The following ZNF469 variants were observed in gnomAD, a reference collection of about 807,000 sequenced individuals.
The protein encoded by ZNF469 is zinc finger protein 469.
ZNF469 carries 1 observed loss-of-function variant against 1.0 expected under a neutral mutation model. The observed-to-expected ratio is 1.00, with a 90% confidence interval of 0.35 to 4.73. ZNF469 has a LOEUF of 4.73. Ranked by LOEUF, ZNF469 falls within the 30% of genes most tolerant of loss-of-function variation. The pLI, the probability that ZNF469 is intolerant of heterozygous loss-of-function variation, is 0.16. For synonymous variants in ZNF469, 2,703 were observed against 2,363.4 expected, an observed-to-expected ratio of 1.14 and a Z score of -4.17; for missense variants, 6,100 against 5,356.3, an observed-to-expected ratio of 1.14 and a Z score of -4.33.
chr16:88,321,827 C>T, the ZNF469 span, among the ~76,000 whole-genome samples: 3 of 152,360 alleles, frequency 2.0e-5, no homozygotes, highest in Non-Finnish European at 1.5e-5. Context: ...CACCGCCATC[C>T]GGAGCATGAT....
chr16:88,398,971 C>T (rs985612192), intron 1 of ZNF469, among the ~76,000 whole-genome samples: 13 of 152,356 alleles, frequency 8.5e-5, no homozygotes, highest in African/African-American at 2.9e-4. Context: ...CTATTTTTAA[C>T]CTCATTTAAC....
chr16:88,381,479 C>T (rs2092525223), upstream of ZNF469, among the ~76,000 whole-genome samples: 1 of 152,156 alleles, frequency 6.6e-6, no homozygotes, highest in Admixed American at 6.5e-5. Context: ...AAGAACAGAC[C>T]CAGTAGAAAC....
At chr16:88,296,418 TCA>T in the ZNF469 span, among the ~76,000 whole-genome samples, 1 of 151,306 alleles carries the variant, frequency 6.6e-6, no homozygotes, top group Non-Finnish European at 1.5e-5. Context: ...ACACCCATGC[TCA>T]CACACATACA....
chr16:88,282,548 C>G, the ZNF469 span, among the ~76,000 whole-genome samples: 1 of 152,214 alleles, frequency 6.6e-6, no homozygotes, highest in African/African-American at 2.4e-5. Flanking sequence ...TGGTGACCAT[C>G]TGGAGCCAAC....
the ZNF469 span, among the ~76,000 whole-genome samples, chr16:88,224,105 G>A: frequency 2.0e-5 from 3 of 152,194 alleles, no homozygotes; most frequent in South Asian, 2.1e-4. Context: ...TTGTTTTCTC[G>A]GGGCAGGGGT....
At position 88,432,050 on chromosome 16, in the gene ZNF469, C is replaced by T. The variant is rs183617173; in HGVS notation, c.4580C>T (p.Thr1527Met). The T allele has an allele frequency of 9.0e-6, 14 of 1,550,554 alleles. No individual in the cohort carries two copies. The highest frequency in any genetic ancestry group is 1.7e-4 in the Middle Eastern group (1 of 5,992). Residue 1527 changes from threonine (T) to methionine (M), a missense_variant, in exon 3 of 3, where the codon ACG becomes ATG. By Grantham distance (81) the Thr-to-Met change is moderately conservative (BLOSUM62 -1). Transcript: ENST00000565624. Reference protein sequence around the residue: ...DLSGGKVLSKTCPPERTVVPG... With the variant: ...DLSGGKVLSKMCPPERTVVPG... ...TCGGGGGGAAAGGTGCTCAGTAAGA[C>T]GTGTCCCCCTGAACGGACAGTGGTT...
At chr16:88,118,839 T>C in the ZNF469 span, among the ~76,000 whole-genome samples, 124 of 152,314 alleles carry the variant, frequency 8.1e-4, no homozygotes, top group Admixed American at 1.0e-3. Flanking sequence ...ACCACACGGA[T>C]AAGCAATAGA....
chr16:88,398,247 C>T (rs1281457969), intron 1 of ZNF469, among the ~76,000 whole-genome samples: 1 of 152,224 alleles, frequency 6.6e-6, no homozygotes, highest in East Asian at 1.9e-4. Flanking sequence ...AGGCCACACA[C>T]GCAAGACACC....
chr16:88,222,832 CAAACG>C, the ZNF469 span, among the ~76,000 whole-genome samples: 2 of 151,828 alleles, frequency 1.3e-5, no homozygotes, highest in Non-Finnish European at 2.9e-5. Flanking sequence ...CTCCTGGCCT[CAAACG>C]ATCCTTCCAC....
At chr16:88,388,377 T>C (rs1308883353) in intron 1 of ZNF469, among the ~76,000 whole-genome samples, 1 of 152,216 alleles carries the variant, frequency 6.6e-6, no homozygotes, top group African/African-American at 2.4e-5. Flanking sequence ...TCCACATTCA[T>C]GAGCAGCCAT....
intron 1 of ZNF469, among the ~76,000 whole-genome samples, chr16:88,422,937 G>A (rs1293280355): frequency 1.3e-5 from 2 of 150,596 alleles, no homozygotes; most frequent in East Asian, 4.0e-4. Context: ...ATGGATGGGT[G>A]GATGGATGAT....
intron 1 of ZNF469, among the ~76,000 whole-genome samples, chr16:88,413,511 C>T (rs1489403497): frequency 6.6e-6 from 1 of 152,238 alleles, no homozygotes; most frequent in African/African-American, 2.4e-5. Context: ...TGTGGCAGCC[C>T]TGCTCAGCCC....
intron 1 of ZNF469, among the ~76,000 whole-genome samples, chr16:88,391,339 G>T (rs998740744): frequency 6.6e-6 from 1 of 152,258 alleles, no homozygotes; most frequent in African/African-American, 2.4e-5. Flanking sequence ...AAGGGACAGA[G>T]CCAGGACAGT....
chr16:88,361,874 G>T, the ZNF469 span, among the ~76,000 whole-genome samples: 1 of 152,178 alleles, frequency 6.6e-6, no homozygotes, highest in Admixed American at 6.5e-5. Context: ...TGAGTCTGGG[G>T]TGTACAGATA....
chr16:88,129,552 A>G, the ZNF469 span, among the ~76,000 whole-genome samples: 2 of 152,190 alleles, frequency 1.3e-5, no homozygotes, highest in East Asian at 3.8e-4. Context: ...TGATAAATAT[A>G]TTTTTGTTAA....
the ZNF469 span, among the ~76,000 whole-genome samples, chr16:88,209,293 T>C: frequency 2.1e-5 from 3 of 144,134 alleles, no homozygotes; most frequent in Admixed American, 6.8e-5. Flanking sequence ...TTCTTTTTTC[T>C]TTTTTTTTTT....
chr16:88,437,368 G>C lies in ZNF469; in HGVS notation c.9898G>C (p.Gly3300Arg). ...SASATALADAGSPGPPRTTPS... is the reference protein window; with the variant it reads ...SASATALADARSPGPPRTTPS... ...CTCTGCCACCGCCCTGGCTGACGCCGGCAGCCCGGGCCCCCCCAGGACGAC... is the reference window on the plus strand; with the variant it reads ...CTCTGCCACCGCCCTGGCTGACGCCCGCAGCCCGGGCCCCCCCAGGACGAC... Residue 3300 changes from glycine to arginine, a missense_variant, in exon 3 of 3, where the codon GGC (glycine) becomes CGC (arginine). Physicochemically the swap from Gly to Arg is moderately radical, Grantham distance 125. Coordinates refer to ENST00000565624, the MANE Select transcript of ZNF469 (RefSeq NM_001367624.2). The C allele has an allele frequency of 2.6e-6, 4 of 1,540,340 alleles. No individual in the cohort carries two copies. The highest frequency in any genetic ancestry group is 3.5e-6 in the Non-Finnish European group (4 of 1,142,390).
chr16:88,127,963 C>T, the ZNF469 span, among the ~76,000 whole-genome samples: 41 of 152,352 alleles, frequency 2.7e-4, no homozygotes, highest in African/African-American at 9.4e-4. Context: ...CCAGGACACA[C>T]AGGCACGAGG....
chr16:88,197,841 G>A, the ZNF469 span, among the ~76,000 whole-genome samples: 1 of 152,272 alleles, frequency 6.6e-6, no homozygotes, highest in African/African-American at 2.4e-5. Context: ...GGCTGCCTGT[G>A]TGTCCTCACA....
Sources: gnomAD v4.1 joint callset for allele counts (sites outside exome capture counted in the v4.1 genomes callset) on GRCh38, gnomAD v4.1.1 for gene constraint, MANE v1.5 for transcripts, NCBI Gene and HGNC (gene_info 2026-07-23, HGNC 2026-07-21) for gene names.